ARID2: variants seen among roughly 807,000 people sequenced by gnomAD.
The protein encoded by ARID2 is AT-rich interaction domain 2.
A neutral mutation model predicts 184.6 loss-of-function variants in ARID2; 32 were observed. The ratio of observed to expected loss-of-function variants is 0.17; its 90% CI spans 0.13 to 0.23. The LOEUF (loss-of-function observed/expected upper bound fraction) is 0.23, where lower values mean the gene tolerates loss of function less well. Ranked by LOEUF, ARID2 falls within the 10% of genes least tolerant of loss-of-function variation. The pLI is 1.00. For missense variants in ARID2, 1,696 were observed against 2,197.6 expected (o/e 0.77, Z 4.56); for synonymous variants, 836 against 772.6 (o/e 1.08, Z -1.36).
chr12:45,746,214 GATC>G (rs59132599), intron 3 of ARID2, among the ~76,000 whole-genome samples: 14,100 of 151,686 alleles, frequency 0.093, 2,214 homozygotes, highest in African/African-American at 0.32. Context: ...TGGCTTAAGA[GATC>G]CTCCTACTTC....
At chr12:45,809,930 A>T (rs984015563) in intron 3 of ARID2, among the ~76,000 whole-genome samples, 2 of 152,204 alleles carry the variant, frequency 1.3e-5, no homozygotes, top group Non-Finnish European at 2.9e-5. Flanking sequence ...GGTACTAAAA[A>T]TAATACTTCC....
chr12:45,788,597 C>A lies in ARID2; in HGVS notation c.285-22821C>A, dbSNP rs530962010. Among the ~76,000 whole-genome samples, 22 of 152,204 alleles carry A rather than the reference C, an allele frequency of 1.4e-4. No individual in the cohort carries two copies. The South Asian group carries it at 4.4e-3, about 30-fold the overall frequency. On this transcript the variant is annotated intron_variant, in intron 3 of 20. Transcript: ENST00000334344. Reference sequence around the variant, plus strand: ...GATTAAGAAGTATTATAGCTCCCTACCCCCTACCCAGGATATGGGAGTTTA... The same window carrying A: ...GATTAAGAAGTATTATAGCTCCCTAACCCCTACCCAGGATATGGGAGTTTA...
At chr12:45,855,055 G>A (rs775636352) in intron 15 of ARID2, among the ~76,000 whole-genome samples, 9 of 152,158 alleles carry the variant, frequency 5.9e-5, no homozygotes, top group Non-Finnish European at 1.3e-4. Context: ...AAGCTCTAGA[G>A]AGCCTTTTTT....
intron 6 of ARID2, among the ~76,000 whole-genome samples, chr12:45,833,278 A>T (rs568667017): frequency 6.6e-6 from 1 of 152,190 alleles, no homozygotes; most frequent in African/African-American, 2.4e-5. Context: ...TAACCCCATC[A>T]TAAGTCAAGG....
At chr12:45,790,480 G>C (rs1196536819) in intron 3 of ARID2, among the ~76,000 whole-genome samples, 1 of 151,924 alleles carries the variant, frequency 6.6e-6, no homozygotes, top group African/African-American at 2.4e-5. Flanking sequence ...TGTTTATGTG[G>C]TTCTCTCAGT....
chr12:45,821,411 G>GT lies in ARID2; in HGVS notation c.638-3dup, dbSNP rs780206448. On this transcript the variant is annotated splice_polypyrimidine_tract_variant and intron_variant, in intron 5 of 20. Transcript: ENST00000334344. The stretch of plus-strand genomic sequence containing the variant: ...TATTGAATGTACTATTTATTTATTT[G>GT]TTTTTTAGCTTTAGGATCCTTTTCC... 14 of 1,484,592 alleles carry GT rather than the reference G, an allele frequency of 9.4e-6. No homozygotes were observed. Among genetic ancestry groups the GT allele is most frequent in the Middle Eastern group, 1.8e-4 (1 of 5,644 alleles). 92.0% of individuals were successfully genotyped at this position (1,484,592 alleles called of 1,614,324 possible). A position where few individuals can be genotyped will look rare whatever the true frequency, so the allele number is the denominator to read the frequency against.
chr12:45,763,932 T>C (rs1941724898), intron 3 of ARID2, among the ~76,000 whole-genome samples: 1 of 152,184 alleles, frequency 6.6e-6, no homozygotes, highest in Non-Finnish European at 1.5e-5. Context: ...TTAATATTTA[T>C]AGAAAATTGC....
intron 20 of ARID2, among the ~76,000 whole-genome samples, chr12:45,896,667 C>T (rs936739349): frequency 3.3e-5 from 5 of 152,120 alleles, no homozygotes; most frequent in Non-Finnish European, 7.3e-5. Context: ...ATGTCTTTAT[C>T]AGCAGCGTGA....
intron 16 of ARID2, among the ~76,000 whole-genome samples, chr12:45,888,376 A>G (rs996089721): frequency 7.9e-5 from 12 of 152,226 alleles, no homozygotes; most frequent in African/African-American, 1.7e-4. Context: ...GATAGTTTCT[A>G]TGGAGAATAT....
chr12:45,795,112 A>G (rs1360734911), intron 3 of ARID2, among the ~76,000 whole-genome samples: 1 of 151,940 alleles, frequency 6.6e-6, no homozygotes, highest in African/African-American at 2.4e-5. Flanking sequence ...ATATAAATAC[A>G]TTTTATGTTT....
chr12:45,848,732 A>G (rs1943487004), intron 12 of ARID2, 104 bp from the exon 13 acceptor site: 1 of 928,522 alleles, frequency 1.1e-6, no homozygotes, highest in Non-Finnish European at 1.5e-6. Flanking sequence ...ATTAGTAGGT[A>G]TAATTATTAG....
At chr12:45,792,232 C>T (rs1942306519) in intron 3 of ARID2, among the ~76,000 whole-genome samples, 1 of 152,056 alleles carries the variant, frequency 6.6e-6, no homozygotes, top group Non-Finnish European at 1.5e-5. Context: ...ACAAGTTTTG[C>T]ATGTTCTAGT....
At chr12:45,903,256 A>C (rs1040289164) in intron 20 of ARID2, among the ~76,000 whole-genome samples, 12 of 152,144 alleles carry the variant, frequency 7.9e-5, no homozygotes. Context: ...CAAATGGGTT[A>C]TTTCCAATTT....
At chr12:45,838,871 T>G (rs961087435) in intron 10 of ARID2, among the ~76,000 whole-genome samples, 5 of 150,826 alleles carry the variant, frequency 3.3e-5, no homozygotes, top group Admixed American at 3.3e-4. Flanking sequence ...ATGTTTTGTT[T>G]TTTTTTTTTT....
rs765801823 is a variant in ARID2, at chr12:45,850,596, T to C, written c.2473T>C (p.Ser825Pro). 1.9e-5 allele frequency: 30 copies of C among 1,613,918 alleles called. No homozygotes were observed. Among genetic ancestry groups the C allele is most frequent in the Non-Finnish European group, 2.4e-5 (28 of 1,179,986 alleles). Reference sequence around the variant, plus strand: ...ACAGGGTCAACAGTTAATCACCACATCACCCCAACCTGTGCAAACTTCATC... The same window carrying C: ...ACAGGGTCAACAGTTAATCACCACACCACCCCAACCTGTGCAAACTTCATC... ...VSQGQQLITT[S>P]PQPVQTSSQQ... The change falls in exon 15 of 21, where the codon TCA becomes CCA. Residue 825 changes from serine (S) to proline (P), a missense_variant. By Grantham distance (74) the Ser-to-Pro change is moderately conservative. Around this residue, in one of 11 missense-constraint regions of ARID2, gnomAD observed 713 missense variants for 824.4 expected, o/e 0.86. Transcript: ENST00000334344.
chr12:45,884,389 C>A (rs1336159512), intron 16 of ARID2, among the ~76,000 whole-genome samples: 1 of 152,032 alleles, frequency 6.6e-6, no homozygotes, highest in Admixed American at 6.6e-5. Context: ...GAGTGAGATT[C>A]TGTCTCAAAC....
At chr12:45,811,311 A>T (rs943283193) in intron 3 of ARID2, 107 bp from the exon 4 acceptor site, 9 of 1,230,512 alleles carry the variant, frequency 7.3e-6, no homozygotes, top group African/African-American at 1.5e-5. Context: ...ATTTTTATTA[A>T]TTTTTTTAGA....
intron 16 of ARID2, among the ~76,000 whole-genome samples, chr12:45,886,770 C>G (rs1320976397): frequency 6.6e-6 from 1 of 152,218 alleles, no homozygotes; most frequent in Non-Finnish European, 1.5e-5. Flanking sequence ...CTCTCTGAAG[C>G]TACAGCCCAA....
chr12:45,760,886 G>A (rs1473129751), intron 3 of ARID2, among the ~76,000 whole-genome samples: 2 of 151,880 alleles, frequency 1.3e-5, no homozygotes, highest in Non-Finnish European at 2.9e-5. Flanking sequence ...TTTAGCGATA[G>A]GGTCTGGCTC....
Sources: gnomAD v4.1 joint callset for allele counts (sites outside exome capture counted in the v4.1 genomes callset) on GRCh38, gnomAD v4.1.1 for gene constraint, gnomAD v4.1.1 regional missense constraint, MANE v1.5 for transcripts, NCBI Gene and HGNC (gene_info 2026-07-23, HGNC 2026-07-21) for gene names.